TBC1D4: variants seen among roughly 807,000 people sequenced by gnomAD.
TBC1D4 encodes TBC (Tre-2, BUB2, CDC16) domain-containing protein.
A neutral mutation model predicts 142.5 loss-of-function variants in TBC1D4; 121 were observed. That is an observed-to-expected ratio of 0.85 (90% CI 0.73 to 0.99). The LOEUF (loss-of-function observed/expected upper bound fraction) is 0.99. Among genes scored for constraint, TBC1D4 ranks in the 50% least tolerant of loss-of-function variants. The probability of loss-of-function intolerance (pLI) is 0.00; values close to 1 mark genes in which losing one functional copy is unlikely to be tolerated. For synonymous variants in TBC1D4, 630 were observed against 628.2 expected (o/e 1.00, Z -0.04); for missense variants, 1,475 against 1,606.6 (o/e 0.92, Z 1.40).
intron 1 of TBC1D4, among the ~76,000 whole-genome samples, chr13:75,410,172 A>T (rs541192157): frequency 6.6e-6 from 1 of 152,328 alleles, no homozygotes; most frequent in Non-Finnish European, 1.5e-5. Flanking sequence ...ACCTATAATT[A>T]CTATGTTTGA....
chr13:75,384,102 A>AAAT (rs201795641), intron 1 of TBC1D4, among the ~76,000 whole-genome samples: 3 of 81,568 alleles, frequency 3.7e-5, no homozygotes, highest in African/African-American at 6.8e-5. Context: ...TAATAAAAAA[A>AAAT]AATAATAATA....
intron 1 of TBC1D4, among the ~76,000 whole-genome samples, chr13:75,441,036 C>A (rs902224355): frequency 6.6e-6 from 1 of 152,102 alleles, no homozygotes; most frequent in Non-Finnish European, 1.5e-5. Flanking sequence ...GCAGGTGGAT[C>A]ATGAGGTCAG....
chr13:75,449,553 AC>A (rs1887444133), intron 1 of TBC1D4, among the ~76,000 whole-genome samples: 3 of 150,894 alleles, frequency 2.0e-5, no homozygotes, highest in Admixed American at 2.0e-4. Context: ...ACACACACAC[AC>A]AGACGCGCAC....
At chr13:75,447,719 T>A (rs1302508220) in intron 1 of TBC1D4, among the ~76,000 whole-genome samples, 1 of 152,084 alleles carries the variant, frequency 6.6e-6, no homozygotes, top group Non-Finnish European at 1.5e-5. Context: ...CCACTCCCTA[T>A]CTCTCACATT....
At position 75,481,496 on chromosome 13, in the gene TBC1D4, A is replaced by T; in HGVS notation, c.272T>A (p.Leu91Gln). The change falls in exon 1 of 21, where the codon CTG (leucine) becomes CAG (glutamine). Residue 91 changes from leucine (L) to glutamine (Q), a missense_variant. This residue lies in a region of TBC1D4 where 1,227 missense variants were observed against 1,267.7 expected (regional missense o/e 0.97). Coordinates refer to ENST00000377636, the MANE Select transcript of TBC1D4 (RefSeq NM_014832.5). Reference sequence around the variant, plus strand: ...AGCGCCCGGCGCGGGGACGCAACGCAGGAAGGGCGCGCTGAGCACCAGGAT... The same window carrying T: ...AGCGCCCGGCGCGGGGACGCAACGCTGGAAGGGCGCGCTGAGCACCAGGAT... ...EVILVLSAPFLRCVPAPGAGA... is the reference protein window; with the variant it reads ...EVILVLSAPFQRCVPAPGAGA... The T allele has an allele frequency of 1.2e-6, 2 of 1,612,330 alleles. No homozygotes were observed. Among genetic ancestry groups the T allele is most frequent in the Non-Finnish European group, 8.5e-7 (1 of 1,179,078 alleles).
chr13:75,402,706 C>A (rs1312922272), intron 1 of TBC1D4, among the ~76,000 whole-genome samples: 3 of 145,610 alleles, frequency 2.1e-5, no homozygotes, highest in African/African-American at 5.0e-5. Context: ...CAGTATCATG[C>A]ATTATCTGTG....
At chr13:75,311,219 A>C (rs9573518) in intron 13 of TBC1D4, among the ~76,000 whole-genome samples, 57,745 of 152,004 alleles carry the variant, frequency 0.38, 12,526 homozygotes, top group East Asian at 0.64. Flanking sequence ...CTTTGCATTC[A>C]TCATGCTGAA....
At chr13:75,442,962 C>G (rs560754867) in intron 1 of TBC1D4, among the ~76,000 whole-genome samples, 2 of 152,112 alleles carry the variant, frequency 1.3e-5, no homozygotes, top group African/African-American at 4.8e-5. Context: ...AAGAAAGGCA[C>G]CAGAGGTGAT....
intron 1 of TBC1D4, among the ~76,000 whole-genome samples, chr13:75,470,065 C>A (rs1239072461): frequency 6.6e-6 from 1 of 152,088 alleles, no homozygotes; most frequent in Non-Finnish European, 1.5e-5. Flanking sequence ...TAGCTCCAGT[C>A]CTTAAGAGAA....
chr13:75,468,915 G>A (rs1888277234), intron 1 of TBC1D4, among the ~76,000 whole-genome samples: 2 of 152,164 alleles, frequency 1.3e-5, no homozygotes, highest in South Asian at 2.1e-4. Flanking sequence ...ACATTCCAGA[G>A]GTGGTGACAG....
At chr13:75,319,886 C>T in intron 12 of TBC1D4, 128 bp downstream of exon 12, 1 of 917,584 alleles carries the variant, frequency 1.1e-6, no homozygotes, top group Non-Finnish European at 1.7e-6. Flanking sequence ...CTATATAGCC[C>T]TCAGAGCACT....
chr13:75,350,624 A>G (rs1881517097), intron 4 of TBC1D4, among the ~76,000 whole-genome samples: 2 of 152,202 alleles, frequency 1.3e-5, no homozygotes, highest in Admixed American at 6.5e-5. Context: ...TTCAAAAGCT[A>G]TTTGTGCAGA....
intron 11 of TBC1D4, among the ~76,000 whole-genome samples, chr13:75,322,193 A>C (rs1593724761): frequency 6.6e-6 from 1 of 152,296 alleles, no homozygotes; most frequent in South Asian, 2.1e-4. Context: ...TGGCCTATTC[A>C]TTTTCTGCTA....
At chr13:75,458,474 A>G (rs1887831993) in intron 1 of TBC1D4, among the ~76,000 whole-genome samples, 1 of 152,180 alleles carries the variant, frequency 6.6e-6, no homozygotes, top group Non-Finnish European at 1.5e-5. Flanking sequence ...AAAAAGCAAC[A>G]TGTGGGCGCA....
rs1192584609 is a variant in TBC1D4 at position 75,410,823 on chromosome 13, C to T, written c.499-48216G>A. Among the ~76,000 whole-genome samples the T allele has an allele frequency of 1.5e-4, 23 of 149,730 alleles. No individual in the cohort carries two copies. In the South Asian group the frequency reaches 4.9e-3, roughly 32 times the overall value. On this transcript the variant is annotated intron_variant, in intron 1 of 20. Transcript: ENST00000377636. ...TGGTAGCGGGCACCTGTAGTCCCAG[C>T]TACTCGGGAGGCTGAGGCAGGAGAA...
intron 4 of TBC1D4, among the ~76,000 whole-genome samples, 180 bp downstream of exon 4, chr13:75,355,967 A>C (rs555545631): frequency 2.0e-5 from 3 of 152,216 alleles, no homozygotes; most frequent in Non-Finnish European, 4.4e-5. Flanking sequence ...ATATTTTACC[A>C]TGACAATTTG....
At chr13:75,402,335 T>TC (rs1318680606) in intron 1 of TBC1D4, among the ~76,000 whole-genome samples, 1 of 152,182 alleles carries the variant, frequency 6.6e-6, no homozygotes, top group Non-Finnish European at 1.5e-5. Flanking sequence ...GTCCCCCATC[T>TC]CCCCGGGGAT....
At chr13:75,397,198 C>CA (rs1884840148) in intron 1 of TBC1D4, among the ~76,000 whole-genome samples, 1 of 151,852 alleles carries the variant, frequency 6.6e-6, no homozygotes, top group Admixed American at 6.6e-5. Context: ...AGCTGCCAAA[C>CA]AAAAAAGTGT....
chr13:75,307,348 T>C (rs549922098), intron 14 of TBC1D4, among the ~76,000 whole-genome samples: 2 of 152,232 alleles, frequency 1.3e-5, no homozygotes, highest in East Asian at 3.9e-4. Context: ...TAATATAGAG[T>C]TCTCTCTAAT....
Sources: gnomAD v4.1 joint callset for allele counts (sites outside exome capture counted in the v4.1 genomes callset) on GRCh38, gnomAD v4.1.1 for gene constraint, gnomAD v4.1.1 regional missense constraint, MANE v1.5 for transcripts, NCBI Gene and HGNC (gene_info 2026-07-23, HGNC 2026-07-21) for gene names.